Variants in TMEM266 observed in about 807,000 individuals in gnomAD.
The protein encoded by TMEM266 is transmembrane protein 266.
A neutral mutation model predicts 50.5 loss-of-function variants in TMEM266; 33 were observed. The observed-to-expected ratio is 0.65, with a 90% CI of 0.50 to 0.87. The LOEUF is 0.87. TMEM266 is among the 40% of genes least tolerant of loss of function. The pLI is 0.00. For synonymous variants in TMEM266, 310 were observed against 292.3 expected, an observed-to-expected ratio of 1.06 and a Z score of -0.62; for missense variants, 655 against 695.1, an observed-to-expected ratio of 0.94 and a Z score of 0.65.
At position 76,084,607 on chromosome 15, in the gene TMEM266, T is replaced by TTG. The variant is rs1555445507; in HGVS notation, c.-97+24592_-97+24593insGT. 1.5e-3 allele frequency among the ~76,000 whole-genome samples: 227 copies of TTG among 151,804 alleles called. 2 individuals carry two copies. Among genetic ancestry groups the TTG allele is most frequent in the African/African-American group, 5.3e-3 (218 of 41,320 alleles). On this transcript the variant is annotated intron_variant, in intron 1 of 10. Coordinates refer to ENST00000388942, the MANE Select transcript of TMEM266 (RefSeq NM_152335.3). The stretch of plus-strand genomic sequence containing the variant: ...ATGAGGGTTTTTTTTGGTTTTTTTT[T>TTG]TTTTGTTTTTTGAGACAGAGTCTTG...
chr15:76,156,839 A>C, intron 4 of TMEM266, 81 bp downstream of exon 4: 1 of 1,435,912 alleles, frequency 7.0e-7, no homozygotes, highest in Non-Finnish European at 9.5e-7. Context: ...GGGGTCCCCA[A>C]CCTGCAGGCT....
intron 9 of TMEM266, among the ~76,000 whole-genome samples, chr15:76,197,356 C>G (rs2038671235): frequency 6.6e-6 from 1 of 152,214 alleles, no homozygotes; most frequent in Non-Finnish European, 1.5e-5. Flanking sequence ...TTCAACTTGA[C>G]TTTGAACAAG....
intron 1 of TMEM266, among the ~76,000 whole-genome samples, chr15:76,117,367 A>G (rs1159985511): frequency 6.6e-6 from 1 of 152,060 alleles, no homozygotes; most frequent in Non-Finnish European, 1.5e-5. Flanking sequence ...ATGAAACACT[A>G]CGGCAGTGCC....
intron 1 of TMEM266, among the ~76,000 whole-genome samples, chr15:76,082,160 C>G (rs763621863): frequency 2.4e-4 from 37 of 152,194 alleles, no homozygotes; most frequent in Admixed American, 6.5e-5. Flanking sequence ...TACATATAGT[C>G]TCTTTTTCCT....
rs962054192 is a variant in TMEM266, at chr15:76,129,311, G to A, written c.-96-4857G>A. On this transcript the variant is annotated intron_variant, in intron 1 of 10. Transcript: ENST00000388942. ...TTAAAATCTATAAACTAATTAAAAT[G>A]TATAGGAAACATAGGGGACAGAGAA... Among the ~76,000 whole-genome samples the A allele has an allele frequency of 4.6e-5, 7 of 152,218 alleles. No homozygotes were observed. The South Asian group carries it at 8.3e-4, about 18-fold the overall frequency.
intron 1 of TMEM266, 103 bp downstream of exon 1, chr15:76,060,119 A>T (rs1357880883): frequency 3.3e-5 from 5 of 151,520 alleles, no homozygotes; most frequent in Non-Finnish European, 7.4e-5. Context: ...GGTTTGCAGG[A>T]TGCGTGCTCG....
At chr15:76,138,897 A>G (rs151070002) in intron 3 of TMEM266, among the ~76,000 whole-genome samples, 124 of 152,262 alleles carry the variant, frequency 8.1e-4, no homozygotes, top group Middle Eastern at 3.4e-3. Context: ...GGGAGAACAC[A>G]CCAGTTTGAT....
intron 1 of TMEM266, among the ~76,000 whole-genome samples, chr15:76,095,564 C>A (rs1238333064): frequency 6.6e-6 from 1 of 151,942 alleles, no homozygotes; most frequent in East Asian, 1.9e-4. Context: ...GGGATATTGG[C>A]CTGAAATTTT....
chr15:76,109,898 G>C (rs1054500364), intron 1 of TMEM266, among the ~76,000 whole-genome samples: 1 of 151,660 alleles, frequency 6.6e-6, no homozygotes, highest in Non-Finnish European at 1.5e-5. Context: ...GGCCTCAAGC[G>C]ATCTTCCTGC....
intron 1 of TMEM266, among the ~76,000 whole-genome samples, chr15:76,085,599 A>T (rs1443198661): frequency 6.6e-6 from 1 of 151,994 alleles, no homozygotes; most frequent in Non-Finnish European, 1.5e-5. Flanking sequence ...GGCAACAGAA[A>T]CTCTCACACA....
intron 1 of TMEM266, among the ~76,000 whole-genome samples, chr15:76,086,932 G>GT (rs11396209): frequency 6.1e-5 from 9 of 146,634 alleles, no homozygotes; most frequent in South Asian, 2.1e-4. Flanking sequence ...GCAGGTCGGG[G>GT]GGGGGGCGGT....
At chr15:76,096,961 T>TTTG (rs2036930484) in intron 1 of TMEM266, among the ~76,000 whole-genome samples, 9 of 137,320 alleles carry the variant, frequency 6.6e-5, no homozygotes, top group Non-Finnish European at 1.3e-4. Flanking sequence ...CTTTCCATTT[T>TTTG]CCTGGTAAAT....
At chr15:76,083,593 C>T (rs1303685449) in intron 1 of TMEM266, among the ~76,000 whole-genome samples, 1 of 152,162 alleles carries the variant, frequency 6.6e-6, no homozygotes, top group Non-Finnish European at 1.5e-5. Flanking sequence ...CCTTCCATGC[C>T]CTCACCCCCA....
rs551942762 is a variant in TMEM266, at chr15:76,200,059, TG to T, written c.959-2141del. On this transcript the variant is annotated intron_variant, in intron 9 of 10. Coordinates refer to ENST00000388942, the MANE Select transcript of TMEM266 (RefSeq NM_152335.3). ...CCGTTTGACCAGGAGTTGACGTCCC[TG>T]GAAGGCCCCGACTGTGCTCCCCGCA... 2.9e-4 allele frequency among the ~76,000 whole-genome samples: 44 copies of T among 152,260 alleles called. 1 individual carries two copies. The highest frequency in any genetic ancestry group is 7.7e-4 in the African/African-American group (32 of 41,536).
intron 1 of TMEM266, among the ~76,000 whole-genome samples, chr15:76,116,425 G>T (rs1190238360): frequency 6.6e-6 from 1 of 152,066 alleles, no homozygotes; most frequent in Admixed American, 6.6e-5. Context: ...CCTCAGGGAA[G>T]GGAAATGCTC....
chr15:76,077,063 C>T (rs928057908), intron 1 of TMEM266, among the ~76,000 whole-genome samples: 2 of 152,014 alleles, frequency 1.3e-5, no homozygotes, highest in Admixed American at 6.6e-5. Flanking sequence ...TTCATGGGCT[C>T]AAGCGATTCT....
At chr15:76,148,809 G>A (rs1181455364) in intron 3 of TMEM266, among the ~76,000 whole-genome samples, 2 of 143,476 alleles carry the variant, frequency 1.4e-5, no homozygotes, top group Non-Finnish European at 3.0e-5. Context: ...CTGAGATTCT[G>A]GGACAAGCAA....
At position 76,168,118 on chromosome 15, in the gene TMEM266, G is replaced by T. The variant is rs2038126100; in HGVS notation, c.457-1698G>T. On this transcript the variant is annotated intron_variant, in intron 5 of 10. Transcript: ENST00000388942. The surrounding 1 kb of genome is among the most constrained non-coding windows in gnomAD (Gnocchi z 4.4). ...AAGGCCACACAACCAGCCCATTATT[G>T]AGCTCTGATCTCAAGACATTGTGGC... Among the ~76,000 whole-genome samples, 1 of 152,184 alleles carries T rather than the reference G, an allele frequency of 6.6e-6. No individual in the cohort carries two copies. Among genetic ancestry groups the T allele is most frequent in the Non-Finnish European group, 1.5e-5 (1 of 68,046 alleles).
At chr15:76,061,318 C>T (rs2036298507) in intron 1 of TMEM266, among the ~76,000 whole-genome samples, 1 of 152,164 alleles carries the variant, frequency 6.6e-6, no homozygotes, top group Admixed American at 6.5e-5. Context: ...TGTGTATGAG[C>T]TCATTTAGTC....
Sources: allele counts gnomAD v4.1 joint callset (sites outside exome capture counted in the v4.1 genomes callset), GRCh38; gene constraint gnomAD v4.1.1; non-coding constraint Gnocchi (gnomAD v3.1); transcripts MANE v1.5; gene names NCBI Gene and HGNC (gene_info 2026-07-23, HGNC 2026-07-21).